MTM1: variants seen among roughly 807,000 people sequenced by gnomAD.
The protein encoded by MTM1 is myotubularin.
In MTM1, 9 loss-of-function variants were observed where a neutral mutation model predicts 52.1. The observed-to-expected ratio is 0.17, with a 90% confidence interval of 0.10 to 0.30. MTM1 has a LOEUF of 0.30. Ranked by LOEUF, MTM1 falls within the 10% of genes least tolerant of loss-of-function variation. MTM1 has a pLI of 1.00. For missense variants in MTM1, 277 were observed against 470.7 expected, an observed-to-expected ratio of 0.59 and a Z score of 3.81; for synonymous variants, 136 against 163.8, an observed-to-expected ratio of 0.83 and a Z score of 1.29.
intron 1 of MTM1, among the ~76,000 whole-genome samples, chrX:150,578,482 T>C (rs1175484936): frequency 8.9e-6 from 1 of 112,425 alleles, no homozygotes; most frequent in Non-Finnish European, 1.9e-5. Context: ...AAATGTGTGC[T>C]GTTTATGGCT....
At chrX:150,572,066 A>G (rs190662110) in intron 1 of MTM1, among the ~76,000 whole-genome samples, 13 of 112,025 alleles carry the variant, frequency 1.2e-4, no homozygotes, top group African/African-American at 3.9e-4. Context: ...AGTGCTTTCT[A>G]TTTCTACCAG....
chrX:150,583,156 A>AG (rs1557411951), intron 1 of MTM1, among the ~76,000 whole-genome samples: 2 of 77,884 alleles, frequency 2.6e-5, no homozygotes, highest in Non-Finnish European at 4.5e-5. Context: ...ATATATATAA[A>AG]TTATATATAT....
chrX:150,574,365 A>G (rs2038432636), intron 1 of MTM1, among the ~76,000 whole-genome samples: 1 of 111,148 alleles, frequency 9.0e-6, no homozygotes. Flanking sequence ...ACTGAGACCC[A>G]CCACCGACTC....
At chrX:150,616,235 T>G (rs1557413140) in intron 5 of MTM1, among the ~76,000 whole-genome samples, 1 of 111,908 alleles carries the variant, frequency 8.9e-6, no homozygotes, top group South Asian at 3.7e-4. Context: ...CATATGTATA[T>G]TTTTTGGAGT....
At chrX:150,660,115 C>T (rs1455435566) in intron 12 of MTM1, among the ~76,000 whole-genome samples, 1 of 111,866 alleles carries the variant, frequency 8.9e-6, no homozygotes, top group African/African-American at 3.2e-5. Context: ...CTACACTGTA[C>T]CTGCAGGAGA....
At position 150,671,643 on chromosome X, in the gene MTM1, G is replaced by T. The variant is rs782631277; in HGVS notation, c.*48G>T. 8 of 1,173,537 alleles carry T rather than the reference G, an allele frequency of 6.8e-6. No homozygotes were observed. In the Admixed American group the frequency reaches 1.5e-4, roughly 23 times the overall value. On this transcript the variant is annotated 3_prime_UTR_variant, in exon 15 of 15. Transcript: ENST00000370396. ...AGAGCTCGAAATAAAGGCGATAGCT[G>T]ACTTTCATTTGGGGCATTTGTAAAA...
chrX:150,659,118 G>T (rs2040177385), intron 11 of MTM1, among the ~76,000 whole-genome samples: 1 of 112,143 alleles, frequency 8.9e-6, no homozygotes, highest in Non-Finnish European at 1.9e-5. Context: ...CTCCCAAAAT[G>T]CTGGGATTAC....
rs1557412033 is a variant in MTM1 at position 150,583,546 on chromosome X, TAC to T, written c.-10-9057_-10-9056del. ...TATTATATATAAATTATATATATTA[TAC>T]ATAATTTATATATAATATATAATTT... On this transcript the variant is annotated intron_variant, in intron 1 of 14. Coordinates refer to ENST00000370396, the MANE Select transcript of MTM1 (RefSeq NM_000252.3). Among the ~76,000 whole-genome samples the T allele has an allele frequency of 8.1e-3, 178 of 21,876 alleles. 3 individuals are homozygous for T. The highest frequency in any genetic ancestry group is 0.027 in the African/African-American group (71 of 2,677). 19.0% of individuals were successfully genotyped at this position (21,876 alleles called of 115,157 possible).
chrX:150,567,647 G>T (rs953350051), upstream of MTM1, among the ~76,000 whole-genome samples: 1 of 111,191 alleles, frequency 9.0e-6, no homozygotes, highest in African/African-American at 3.3e-5. Context: ...TCTCCCTCCC[G>T]GGTTCAAGCG....
chrX:150,614,818 G>A, intron 5 of MTM1, 119 bp downstream of exon 5: 2 of 474,066 alleles, frequency 4.2e-6, no homozygotes, highest in Non-Finnish European at 7.3e-6. Context: ...CTAAGGCCCT[G>A]GAAATGGTTC....
At chrX:150,660,609 A>G in intron 13 of MTM1, 125 bp downstream of exon 13, 1 of 500,870 alleles carries the variant, frequency 2.0e-6, no homozygotes, top group Admixed American at 2.9e-5. Flanking sequence ...TAGGAATTAC[A>G]TTAAAGGTAT....
chrX:150,639,470 G>A lies in MTM1; in HGVS notation c.528+444G>A, dbSNP rs944520676. On this transcript the variant is annotated intron_variant, in intron 7 of 14. Coordinates refer to ENST00000370396, the MANE Select transcript of MTM1 (RefSeq NM_000252.3). ...TTGCAGATTCAAATGAATTAGAACTGTTTTCCTGTAGTGATGTCTTTTTCA... is the reference window on the plus strand; with the variant it reads ...TTGCAGATTCAAATGAATTAGAACTATTTTCCTGTAGTGATGTCTTTTTCA... Among the ~76,000 whole-genome samples the A allele has an allele frequency of 4.5e-5, 5 of 112,317 alleles. No homozygotes were observed. In the East Asian group the frequency reaches 1.1e-3, roughly 25 times the overall value.
intron 4 of MTM1, among the ~76,000 whole-genome samples, chrX:150,607,221 C>T (rs1256875054): frequency 2.7e-5 from 3 of 110,269 alleles, no homozygotes; most frequent in African/African-American, 6.6e-5. Context: ...CTCCTGACCT[C>T]AAGTAATCTG....
chrX:150,580,141 T>C (rs782800705), intron 1 of MTM1, among the ~76,000 whole-genome samples: 2 of 111,802 alleles, frequency 1.8e-5, no homozygotes, highest in Non-Finnish European at 3.8e-5. Context: ...TTTTCATAGG[T>C]GCCCTTGACA....
chrX:150,662,793 CCT>C (rs2040244987), intron 13 of MTM1, among the ~76,000 whole-genome samples: 1 of 98,089 alleles, frequency 1.0e-5, no homozygotes, highest in African/African-American at 3.7e-5. Flanking sequence ...TTTTTTTCTT[CCT>C]CTCTCTAGTT....
At chrX:150,624,204 A>G (rs1188724671) in intron 6 of MTM1, among the ~76,000 whole-genome samples, 5 of 112,005 alleles carry the variant, frequency 4.5e-5, no homozygotes, top group African/African-American at 1.3e-4. Context: ...TAAGATGCGC[A>G]CTTTTTTTAG....
chrX:150,593,040 C>T (rs1557412534), intron 2 of MTM1, among the ~76,000 whole-genome samples: 1 of 111,656 alleles, frequency 9.0e-6, no homozygotes, highest in Admixed American at 9.5e-5. Flanking sequence ...GACGGGGTTT[C>T]GCCATGTTGG....
chrX:150,671,108 C>G (rs920860991), intron 14 of MTM1, among the ~76,000 whole-genome samples: 3 of 111,463 alleles, frequency 2.7e-5, no homozygotes, highest in Non-Finnish European at 3.8e-5. Flanking sequence ...TGAAAGAGGA[C>G]AGTGGGTCTG....
chrX:150,576,046 A>T (rs1340717693), intron 1 of MTM1, among the ~76,000 whole-genome samples: 6 of 111,367 alleles, frequency 5.4e-5, no homozygotes, highest in Non-Finnish European at 1.1e-4. Context: ...TGTAGCATTA[A>T]CTAAGTTTGT....
Sources: allele counts gnomAD v4.1 joint callset (sites outside exome capture counted in the v4.1 genomes callset), GRCh38; gene constraint gnomAD v4.1.1; transcripts MANE v1.5; gene names NCBI Gene and HGNC (gene_info 2026-07-23, HGNC 2026-07-21).